The following TRPM6 variants were observed in gnomAD, a reference collection of about 807,000 sequenced individuals.
TRPM6 encodes the protein transient receptor potential cation channel subfamily M member 6, also known as channel kinase 2.
A neutral mutation model predicts 247.6 loss-of-function variants in TRPM6; 111 were observed. The ratio of observed to expected loss-of-function variants is 0.45; its 90% CI spans 0.38 to 0.52. TRPM6 has a LOEUF of 0.52. Among genes scored for constraint, TRPM6 ranks in the 20% least tolerant of loss-of-function variants. TRPM6 has a pLI of 0.00. For missense variants in TRPM6, 2,126 were observed against 2,421.5 expected, an observed-to-expected ratio of 0.88 and a Z score of 2.56; for synonymous variants, 892 against 853.8, an observed-to-expected ratio of 1.04 and a Z score of -0.78.
chr9:74,823,780 C>T (rs1025376031), intron 7 of TRPM6, among the ~76,000 whole-genome samples: 7 of 152,114 alleles, frequency 4.6e-5, no homozygotes, highest in African/African-American at 9.6e-5. Flanking sequence ...TGCAATAAAA[C>T]GTTATTCAGC....
chr9:74,724,884 C>G (rs1364020655), intron 38 of TRPM6, 138 bp from the exon 39 acceptor site: 4 of 1,123,260 alleles, frequency 3.6e-6, no homozygotes, highest in African/African-American at 1.6e-5. Context: ...GGAACTCAAA[C>G]CCTCAACCAT....
chr9:74,823,685 G>T (rs985187988), intron 7 of TRPM6, among the ~76,000 whole-genome samples: 3 of 152,054 alleles, frequency 2.0e-5, no homozygotes, highest in African/African-American at 7.2e-5. Flanking sequence ...ATAGTATAAG[G>T]CACAAAAGTA....
chr9:74,825,442 T>G (rs1255300964), intron 7 of TRPM6, among the ~76,000 whole-genome samples: 1 of 147,122 alleles, frequency 6.8e-6, no homozygotes, highest in Non-Finnish European at 1.5e-5. Flanking sequence ...CTTGAGGGCA[T>G]GTCTTCTCTT....
chr9:74,761,823 T>G lies in TRPM6; in HGVS notation c.4673-15A>C. 1 of 1,591,802 alleles carries G rather than the reference T, an allele frequency of 6.3e-7. No homozygotes were observed. Among genetic ancestry groups the G allele is most frequent in the Non-Finnish European group, 8.6e-7 (1 of 1,159,782 alleles). On this transcript the variant is annotated splice_polypyrimidine_tract_variant and intron_variant, in intron 26 of 38. Coordinates refer to ENST00000360774, the MANE Select transcript of TRPM6 (RefSeq NM_017662.5). ...GCCTGAAAGATCTGCAAGGAAATGG[T>G]CTACATGAGAAAGTTGACAACAGTA... is the stretch of plus-strand genomic sequence containing the variant.
chr9:74,833,922 C>T, intron 6 of TRPM6, 76 bp downstream of exon 6: 1 of 1,577,276 alleles, frequency 6.3e-7, no homozygotes, highest in Non-Finnish European at 8.7e-7. Flanking sequence ...ATTCATTAGA[C>T]ATCCAGGTAC....
chr9:74,766,219 C>T (rs750047952), intron 25 of TRPM6, among the ~76,000 whole-genome samples: 1 of 152,206 alleles, frequency 6.6e-6, no homozygotes, highest in Non-Finnish European at 1.5e-5. Context: ...AGACAAACAA[C>T]GTGGTCACCC....
At chr9:74,791,919 G>A (rs1009818825) in intron 19 of TRPM6, among the ~76,000 whole-genome samples, 2 of 152,088 alleles carry the variant, frequency 1.3e-5, no homozygotes, top group African/African-American at 4.8e-5. Flanking sequence ...ATCACGCCCG[G>A]CTACTTTTTT....
intron 16 of TRPM6, among the ~76,000 whole-genome samples, chr9:74,801,320 C>T (rs577779892): frequency 2.3e-4 from 32 of 139,108 alleles, no homozygotes; most frequent in African/African-American, 7.7e-4. Flanking sequence ...TGCAGTGGCA[C>T]GATCTCAGTT....
Position 74,855,619 on chromosome 9 carries a change from T to G in TRPM6, c.114-54A>C, listed in dbSNP as rs908707163. 5.3e-6 allele frequency: 6 copies of G among 1,132,514 alleles called. No individual in the cohort carries two copies. In the African/African-American group the frequency reaches 9.1e-5, roughly 17 times the overall value. 70.2% of individuals were successfully genotyped at this position (1,132,514 alleles called of 1,614,324 possible). A position where few individuals can be genotyped will look rare whatever the true frequency, so the allele number is the denominator to read the frequency against. On this transcript the variant is annotated intron_variant, in intron 2 of 38. Transcript: ENST00000360774. ...GTTTGTTGGTGTATCTGAAAATACA[T>G]TTAATGCTTGTACAGTAAATATCTA...
At chr9:74,761,362 T>A (rs1041461144) in intron 27 of TRPM6, among the ~76,000 whole-genome samples, 1 of 152,202 alleles carries the variant, frequency 6.6e-6, no homozygotes, top group Non-Finnish European at 1.5e-5. Context: ...ACAACCCAAA[T>A]GTCCTTCAAC....
intron 37 of TRPM6, among the ~76,000 whole-genome samples, chr9:74,730,808 T>C (rs1056721900): frequency 3.9e-5 from 6 of 152,118 alleles, no homozygotes; most frequent in Non-Finnish European, 8.8e-5. Flanking sequence ...CATGGGAAAA[T>C]AGTGCTTCTT....
At position 74,771,789 on chromosome 9, in the gene TRPM6, C is replaced by T. The variant is rs138880537; in HGVS notation, c.3450G>A (p.Glu1150=). 2.0e-4 allele frequency: 316 copies of T among 1,613,680 alleles called. No individual in the cohort carries two copies. The highest frequency in any genetic ancestry group is 1.6e-3 in the Middle Eastern group (10 of 6,062). ...KEDLKKLHDF[E]EQCVEKYFHE... ...GGAAGTATTTTTCCACGCACTGCTC[C>T]TCAAAATCATGAAGTTTTTTCAGAT... Residue 1150 remains glutamate (E), a synonymous_variant, in exon 25 of 39, where the codon GAG becomes GAA. Transcript: ENST00000360774.
At chr9:74,799,447 A>G (rs1828224576) in intron 17 of TRPM6, among the ~76,000 whole-genome samples, 1 of 152,086 alleles carries the variant, frequency 6.6e-6, no homozygotes, top group South Asian at 2.1e-4. Context: ...AAGATAATAG[A>G]TGAGGCTGAG....
intron 6 of TRPM6, among the ~76,000 whole-genome samples, chr9:74,832,643 C>T (rs569970559): frequency 5.9e-5 from 9 of 152,160 alleles, no homozygotes; most frequent in South Asian, 4.2e-4. Context: ...AGGGAAGAGG[C>T]GAAACAAAAT....
At chr9:74,814,637 T>C (rs1287420949) in intron 11 of TRPM6, among the ~76,000 whole-genome samples, 1 of 152,118 alleles carries the variant, frequency 6.6e-6, no homozygotes, top group East Asian at 1.9e-4. Context: ...CATAGTATGC[T>C]ACCAGAAAAG....
chr9:74,762,206 G>A lies in TRPM6; in HGVS notation c.4465C>T (p.Gln1489Ter). 6.2e-7 allele frequency: 1 copy of A among 1,614,166 alleles called. No homozygotes were observed. The highest frequency in any genetic ancestry group is 8.5e-7 in the Non-Finnish European group (1 of 1,180,010). Residue 1489 changes from glutamine (Q) to a stop codon, truncating the protein, a stop_gained, in exon 26 of 39, where the codon CAG (glutamine) becomes TAG (stop). Coordinates refer to ENST00000360774, the MANE Select transcript of TRPM6 (RefSeq NM_017662.5). LOFTEE classifies it high-confidence loss of function. The stretch of plus-strand genomic sequence containing the variant: ...CTGTCCTGGGCCTGCTTCTGGTGCT[G>A]TTCACTCCGAGAGGAATCACTGTCA... Reference protein sequence around the residue: ...TCDSDSSRSEQHQKQAQDSSL... With the variant: ...TCDSDSSRSE
At chr9:74,810,919 G>T in intron 12 of TRPM6, 51 bp from the exon 13 acceptor site, 1 of 1,497,532 alleles carries the variant, frequency 6.7e-7, no homozygotes, top group Non-Finnish European at 9.3e-7. Flanking sequence ...ACCATGTGCT[G>T]GGGGGTAAAA....
At chr9:74,869,267 G>C (rs956910995) in intron 1 of TRPM6, among the ~76,000 whole-genome samples, 1 of 151,842 alleles carries the variant, frequency 6.6e-6, no homozygotes, top group Non-Finnish European at 1.5e-5. Flanking sequence ...TCAGGAGATC[G>C]AGACCATCCT....
At chr9:74,729,494 A>G (rs1648949636) in intron 37 of TRPM6, among the ~76,000 whole-genome samples, 1 of 152,202 alleles carries the variant, frequency 6.6e-6, no homozygotes, top group African/African-American at 2.4e-5. Flanking sequence ...CGAGGCGAGT[A>G]GGTGGAGGAA....
Sources: gnomAD v4.1 joint callset for allele counts (sites outside exome capture counted in the v4.1 genomes callset) on GRCh38, gnomAD v4.1.1 for gene constraint, MANE v1.5 for transcripts, NCBI Gene and HGNC (gene_info 2026-07-23, HGNC 2026-07-21) for gene names.